The following GRIN3A variants were observed in gnomAD, a reference collection of about 807,000 sequenced individuals.
The protein encoded by GRIN3A is glutamate receptor ionotropic, NMDA 3A.
In GRIN3A, 47 loss-of-function variants were observed where a neutral mutation model predicts 92.4. The ratio of observed to expected loss-of-function variants is 0.51; its 90% CI spans 0.40 to 0.65. GRIN3A has a LOEUF of 0.65. Among genes scored for constraint, GRIN3A ranks in the 30% least tolerant of loss-of-function variants. GRIN3A has a pLI of 0.00. For synonymous variants in GRIN3A, 527 were observed against 540.6 expected, an observed-to-expected ratio of 0.97 and a Z score of 0.35; for missense variants, 1,324 against 1,393.1, an observed-to-expected ratio of 0.95 and a Z score of 0.79.
At chr9:101,713,616 G>T (rs756653058) in intron 1 of GRIN3A, among the ~76,000 whole-genome samples, 1 of 152,182 alleles carries the variant, frequency 6.6e-6, no homozygotes, top group Non-Finnish European at 1.5e-5. Context: ...TAGGCAATGT[G>T]CTTGGTAACT....
At chr9:101,705,278 G>C (rs529636623) in intron 1 of GRIN3A, among the ~76,000 whole-genome samples, 3 of 152,058 alleles carry the variant, frequency 2.0e-5, no homozygotes, top group Non-Finnish European at 2.9e-5. Flanking sequence ...AACAGAAGAG[G>C]GAGGCAGAGA....
At chr9:101,668,829 T>G (rs947604499) in intron 3 of GRIN3A, among the ~76,000 whole-genome samples, 1 of 152,162 alleles carries the variant, frequency 6.6e-6, no homozygotes, top group East Asian at 1.9e-4. Flanking sequence ...GAAAAATCTT[T>G]AAAGCTGCCA....
chr9:101,724,751 C>A (rs1830064974), intron 1 of GRIN3A, among the ~76,000 whole-genome samples: 2 of 152,236 alleles, frequency 1.3e-5, no homozygotes, highest in African/African-American at 4.8e-5. Context: ...TCTCTAGTTG[C>A]CACCATGTAA....
intron 2 of GRIN3A, among the ~76,000 whole-genome samples, chr9:101,675,338 T>G (rs1829380930): frequency 6.6e-6 from 1 of 152,040 alleles, no homozygotes; most frequent in South Asian, 2.1e-4. Context: ...GAAAATGTTT[T>G]TGAGACAGTT....
At chr9:101,663,702 T>C (rs546331557) in intron 3 of GRIN3A, among the ~76,000 whole-genome samples, 9 of 151,936 alleles carry the variant, frequency 5.9e-5, no homozygotes, top group Admixed American at 2.0e-4. Context: ...TTTTTAAATA[T>C]TTTTGGTTAA....
chr9:101,634,332 C>CAAA (rs10664535), intron 3 of GRIN3A, among the ~76,000 whole-genome samples: 14,067 of 68,338 alleles, frequency 0.21, 1,536 homozygotes, highest in Non-Finnish European at 0.26. Context: ...GACTCCGTCT[C>CAAA]AAAAAAAAAA....
intron 5 of GRIN3A, among the ~76,000 whole-genome samples, chr9:101,620,403 C>T (rs548929158): frequency 2.0e-5 from 3 of 152,224 alleles, no homozygotes; most frequent in Admixed American, 1.3e-4. Context: ...TAGGTTTCAA[C>T]ATATGAATCT....
At chr9:101,597,754 A>C (rs2118821915) in intron 6 of GRIN3A, among the ~76,000 whole-genome samples, 1 of 152,326 alleles carries the variant, frequency 6.6e-6, no homozygotes, top group Non-Finnish European at 1.5e-5. Flanking sequence ...GGGAAGTACT[A>C]TTACTTCATA....
chr9:101,573,577 C>T lies in GRIN3A; in HGVS notation c.3009-64G>A, dbSNP rs138682234. 4.5e-4 allele frequency: 587 copies of T among 1,294,186 alleles called. 3 individuals are homozygous for T. The African/African-American group carries it at 7.9e-3, about 17-fold the overall frequency. The allele number at this position is 1,294,186 out of a possible 1,614,324, so 80.2% of individuals were successfully genotyped here. A position where few individuals can be genotyped will look rare whatever the true frequency, so the allele number is the denominator to read the frequency against. On this transcript the variant is annotated intron_variant, in intron 8 of 8. Transcript: ENST00000361820. ...GCAGCTCTCAAGGTGCTGTCTTCAT[C>T]TGTTAGCCATTTCCTGTGCAATAAT...
At chr9:101,651,953 C>T (rs1008296215) in intron 3 of GRIN3A, among the ~76,000 whole-genome samples, 2 of 151,970 alleles carry the variant, frequency 1.3e-5, no homozygotes, top group East Asian at 3.9e-4. Flanking sequence ...GATTCTGATC[C>T]CTTAAATTTG....
At chr9:101,662,739 C>G (rs1288967371) in intron 3 of GRIN3A, among the ~76,000 whole-genome samples, 4 of 151,734 alleles carry the variant, frequency 2.6e-5, no homozygotes, top group Admixed American at 2.0e-4. Context: ...TTCAGTCTCC[C>G]AACTTGGTAA....
At chr9:101,718,207 G>C (rs1194987271) in intron 1 of GRIN3A, among the ~76,000 whole-genome samples, 1 of 152,208 alleles carries the variant, frequency 6.6e-6, no homozygotes, top group Non-Finnish European at 1.5e-5. Flanking sequence ...GGTCTAGTGA[G>C]AGAGGAGGAG....
chr9:101,738,074 G>A lies in GRIN3A; in HGVS notation c.-95C>T. The A allele has an allele frequency of 9.5e-7, 1 of 1,051,146 alleles. No individual in the cohort carries two copies. Among genetic ancestry groups the A allele is most frequent in the Non-Finnish European group, 1.4e-6 (1 of 706,396 alleles). 65.1% of individuals were successfully genotyped at this position (1,051,146 alleles called of 1,614,324 possible). A position where few individuals can be genotyped will look rare whatever the true frequency, so the allele number is the denominator to read the frequency against. ...AGGTCTCCGCCTCCAGGTCCCGCGC[G>A]CAGCTTCACTCCACTCGGTGAAGCG... On this transcript the variant is annotated 5_prime_UTR_variant, in exon 1 of 9. Transcript: ENST00000361820.
rs190036305 is a variant in GRIN3A, at chr9:101,595,006, G to T, written c.2767-15646C>A. ...GCTCGGGCGGGGCTCGTGCCCGGAC[G>T]GTTGGGCCATGGGGTGGGGGTAGAG... On this transcript the variant is annotated intron_variant, in intron 6 of 8. Transcript: ENST00000361820. The T allele has an allele frequency of 9.9e-6, 15 of 1,507,764 alleles. No individual in the cohort carries two copies. In the Admixed American group the frequency reaches 2.7e-4, roughly 27 times the overall value. The allele number at this position is 1,507,764 out of a possible 1,614,324, so 93.4% of individuals were successfully genotyped here. A position where few individuals can be genotyped will look rare whatever the true frequency, so the allele number is the denominator to read the frequency against.
chr9:101,717,599 C>T (rs150415363), intron 1 of GRIN3A, among the ~76,000 whole-genome samples: 298 of 152,342 alleles, frequency 2.0e-3, no homozygotes, highest in African/African-American at 6.9e-3. Context: ...CTTTGTTTGA[C>T]AGGAGATAAC....
At position 101,569,899 on chromosome 9, in the gene GRIN3A, C is replaced by A. The variant is rs536863958; in HGVS notation, c.*3275G>T. On this transcript the variant is annotated 3_prime_UTR_variant, in exon 9 of 9. Coordinates refer to ENST00000361820, the MANE Select transcript of GRIN3A (RefSeq NM_133445.3). ...AGCACCAACACTGAGAAGTCTGTTA[C>A]CCAGATGATAAGGTCTGTTCTGCTT... The A allele has an allele frequency of 6.6e-6, 1 of 152,268 alleles. No individual in the cohort carries two copies. Among genetic ancestry groups the A allele is most frequent in the African/African-American group, 2.4e-5 (1 of 41,550 alleles). 9.4% of individuals were successfully genotyped at this position (152,268 alleles called of 1,614,324 possible). A position where few individuals can be genotyped will look rare whatever the true frequency, so the allele number is the denominator to read the frequency against.
At chr9:101,679,472 C>T (rs4742822) in intron 2 of GRIN3A, among the ~76,000 whole-genome samples, 11,938 of 152,130 alleles carry the variant, frequency 0.078, 789 homozygotes, top group East Asian at 0.39. Flanking sequence ...CCCCCGACCC[C>T]GCCCCGCAGT....
intron 6 of GRIN3A, among the ~76,000 whole-genome samples, chr9:101,607,266 T>C (rs977792828): frequency 4.6e-5 from 7 of 152,036 alleles, no homozygotes; most frequent in African/African-American, 1.4e-4. Context: ...GGGCCAAGTA[T>C]TAATGTCCAA....
chr9:101,633,923 T>C (rs1387931267), intron 3 of GRIN3A, among the ~76,000 whole-genome samples: 1 of 152,164 alleles, frequency 6.6e-6, no homozygotes, highest in Non-Finnish European at 1.5e-5. Context: ...TGCTAATTGA[T>C]GCAAATGTCA....
Sources: gnomAD v4.1 joint callset for allele counts (sites outside exome capture counted in the v4.1 genomes callset) on GRCh38, gnomAD v4.1.1 for gene constraint, MANE v1.5 for transcripts, NCBI Gene and HGNC (gene_info 2026-07-23, HGNC 2026-07-21) for gene names.